The following DRGX variants were observed in gnomAD, a reference collection of about 807,000 sequenced individuals.
DRGX encodes dorsal root ganglia homeobox, also known as dorsal root ganglia homeobox protein.
In DRGX, 21 loss-of-function variants were observed where a neutral mutation model predicts 28.6. The observed-to-expected ratio is 0.73, with a 90% confidence interval of 0.52 to 1.06. The LOEUF (loss-of-function observed/expected upper bound fraction) is 1.06, where lower values mean the gene tolerates loss of function less well. Among genes scored for constraint, DRGX ranks in the 50% least tolerant of loss-of-function variants. The probability of loss-of-function intolerance (pLI) is 0.00; values close to 1 mark genes in which losing one functional copy is unlikely to be tolerated. For synonymous variants in DRGX, 136 were observed against 139.1 expected, an observed-to-expected ratio of 0.98 and a Z score of 0.16; for missense variants, 354 against 343.9, an observed-to-expected ratio of 1.03 and a Z score of -0.23.
At chr10:49,370,532 C>G (rs183366425) in intron 6 of DRGX, among the ~76,000 whole-genome samples, 46 of 152,328 alleles carry the variant, frequency 3.0e-4, no homozygotes, top group Non-Finnish European at 5.3e-4. Flanking sequence ...CAGGTGGACG[C>G]ACAAACACGG....
chr10:49,364,769 G>A lies in DRGX; in HGVS notation c.*1347C>T, dbSNP rs1297212745. ...GAGTATTATTTGGGGGTCATGGAGT[G>A]GGGGAAGGTAAAAAGGGGACAGGAA... On this transcript the variant is annotated 3_prime_UTR_variant, in exon 7 of 7. Transcript: ENST00000374139. The A allele has an allele frequency of 6.6e-6, 1 of 152,098 alleles. No homozygotes were observed. Among genetic ancestry groups the A allele is most frequent in the Non-Finnish European group, 1.5e-5 (1 of 68,064 alleles). The allele number at this position is 152,098 out of a possible 1,614,324, so 9.4% of individuals were successfully genotyped here.
intron 6 of DRGX, among the ~76,000 whole-genome samples, chr10:49,366,940 C>A (rs377502859): frequency 4.1e-4 from 62 of 152,298 alleles, no homozygotes; most frequent in African/African-American, 1.5e-3. Flanking sequence ...GCAAGCACCA[C>A]ACAAAATTCC....
chr10:49,365,176 C>T lies in DRGX; in HGVS notation c.*940G>A, dbSNP rs1211078658. 6.6e-6 allele frequency: 1 copy of T among 152,196 alleles called. No homozygotes were observed. The highest frequency in any genetic ancestry group is 1.5e-5 in the Non-Finnish European group (1 of 68,012). 9.4% of individuals were successfully genotyped at this position (152,196 alleles called of 1,614,324 possible). A position where few individuals can be genotyped will look rare whatever the true frequency, so the allele number is the denominator to read the frequency against. On this transcript the variant is annotated 3_prime_UTR_variant, in exon 7 of 7. Coordinates refer to ENST00000374139, the MANE Select transcript of DRGX (RefSeq NM_001276451.2). ...TAAAAAACCACCACCACTGAAGAGCCCCCTCTACGTGCCAGGCATGTGGGG... is the reference window on the plus strand; with the variant it reads ...TAAAAAACCACCACCACTGAAGAGCTCCCTCTACGTGCCAGGCATGTGGGG...
At position 49,395,508 on chromosome 10, in the gene DRGX, T is replaced by C; in HGVS notation, c.-68A>G. The C allele has an allele frequency of 1.3e-6, 2 of 1,517,778 alleles. No homozygotes were observed. Among genetic ancestry groups the C allele is most frequent in the Non-Finnish European group, 1.8e-6 (2 of 1,119,830 alleles). The allele number at this position is 1,517,778 out of a possible 1,614,324, so 94.0% of individuals were successfully genotyped here. On this transcript the variant is annotated 5_prime_UTR_variant, in exon 2 of 7. Transcript: ENST00000374139. ...TGGCAGCAGAACGGACCCGCGCGCG[T>C]TGCTCCTGCCTGGCTGCAAAGCAAA...
intron 6 of DRGX, among the ~76,000 whole-genome samples, chr10:49,367,392 A>AAAAAG (rs934360499): frequency 5.3e-5 from 8 of 152,058 alleles, no homozygotes; most frequent in Admixed American, 3.9e-4. Flanking sequence ...AAAGAAAAAG[A>AAAAAG]AAAAGAAAAG....
At chr10:49,391,052 C>A (rs779169651) in intron 3 of DRGX, 112 bp downstream of exon 3, 5 of 1,178,248 alleles carry the variant, frequency 4.2e-6, no homozygotes, top group African/African-American at 1.5e-5. Context: ...CAGAAAGATT[C>A]AGTTAGCATA....
chr10:49,381,579 A>G lies in DRGX; in HGVS notation c.526+4899T>C, dbSNP rs1342690049. Among the ~76,000 whole-genome samples, 6 of 152,324 alleles carry G rather than the reference A, an allele frequency of 3.9e-5. No individual in the cohort carries two copies. The East Asian group carries it at 9.7e-4, about 25-fold the overall frequency. Reference sequence around the variant, plus strand: ...CTTCACATCCATGACAACCATGCCCAGAACCAAAAGACCAGGACCCCCAGC... The same window carrying G: ...CTTCACATCCATGACAACCATGCCCGGAACCAAAAGACCAGGACCCCCAGC... On this transcript the variant is annotated intron_variant, in intron 6 of 6. Transcript: ENST00000374139.
At chr10:49,393,340 C>T (rs375411638) in intron 2 of DRGX, among the ~76,000 whole-genome samples, 3 of 152,104 alleles carry the variant, frequency 2.0e-5, no homozygotes, top group Admixed American at 6.5e-5. Flanking sequence ...TTTAAAAATA[C>T]ATAAATGAGA....
chr10:49,384,718 C>T (rs1849812919), intron 6 of DRGX, among the ~76,000 whole-genome samples: 2 of 152,162 alleles, frequency 1.3e-5, no homozygotes, highest in South Asian at 4.1e-4. Flanking sequence ...CTGGGAGCAC[C>T]CCCAGGGTGT....
At chr10:49,390,078 A>G in intron 4 of DRGX, 55 bp downstream of exon 4, 2 of 1,525,718 alleles carry the variant, frequency 1.3e-6, no homozygotes, top group Non-Finnish European at 1.8e-6. Flanking sequence ...TGATGTCAAA[A>G]AAAAGTTTGC....
At position 49,366,400 on chromosome 10, in the gene DRGX, C is replaced by T. The variant is rs774326355; in HGVS notation, c.527-19G>A. 1 of 1,586,410 alleles carries T rather than the reference C, an allele frequency of 6.3e-7. No homozygotes were observed. On this transcript the variant is annotated intron_variant, in intron 6 of 6. Coordinates refer to ENST00000374139, the MANE Select transcript of DRGX (RefSeq NM_001276451.2). ...GGGCCCCCTGGAAAAGGAAAAACAA[C>T]AGGCTCCCATCACTGTCTACTTTCT...
chr10:49,391,237 G>A lies in DRGX; in HGVS notation c.59C>T (p.Ser20Phe), dbSNP rs747491291. Reference sequence around the variant, plus strand: ...AAACCCGTCATCAAAATCCCCCGAAGAGTGATTGCCAAAGGTTGCAGTGCC... The same window carrying A: ...AAACCCGTCATCAAAATCCCCCGAAAAGTGATTGCCAAAGGTTGCAGTGCC... The part of the protein sequence containing the change: ...LEGTATFGNH[S>F]SGDFDDGFLR... The change falls in exon 3 of 7, where the codon TCT (serine) becomes TTT (phenylalanine). Residue 20 changes from serine (S) to phenylalanine (F), a missense_variant. By Grantham distance (155) the Ser-to-Phe change is radical (BLOSUM62 -2). Transcript: ENST00000374139. 19 of 1,611,342 alleles carry A rather than the reference G, an allele frequency of 1.2e-5. No individual in the cohort carries two copies. Among genetic ancestry groups the A allele is most frequent in the Middle Eastern group, 1.6e-4 (1 of 6,082 alleles).
At chr10:49,371,426 G>A (rs61848632) in intron 6 of DRGX, among the ~76,000 whole-genome samples, 11,197 of 152,180 alleles carry the variant, frequency 0.074, 450 homozygotes, top group Middle Eastern at 0.14. Context: ...GCTGAGGTGG[G>A]TGGATCGCTT....
chr10:49,380,215 A>G (rs1198217949), intron 6 of DRGX, among the ~76,000 whole-genome samples: 1 of 152,138 alleles, frequency 6.6e-6, no homozygotes, highest in Non-Finnish European at 1.5e-5. Context: ...TGAAAGCTCT[A>G]CCCTGGCAGC....
intron 6 of DRGX, 95 bp downstream of exon 6, chr10:49,386,383 G>T: frequency 8.8e-7 from 1 of 1,131,738 alleles, no homozygotes; most frequent in South Asian, 1.6e-5. Flanking sequence ...ACAGGCCCAG[G>T]TGCAAGGACG....
chr10:49,383,988 G>A (rs1038941618), intron 6 of DRGX, among the ~76,000 whole-genome samples: 8 of 152,258 alleles, frequency 5.3e-5, no homozygotes, highest in African/African-American at 1.7e-4. Context: ...TGGCAACACA[G>A]CATCCACGTT....
chr10:49,378,161 T>A (rs1849735494), intron 6 of DRGX, among the ~76,000 whole-genome samples: 1 of 152,134 alleles, frequency 6.6e-6, no homozygotes, highest in South Asian at 2.1e-4. Flanking sequence ...AATTCAATAT[T>A]CATTAATATT....
At chr10:49,393,804 G>A (rs943914735) in intron 2 of DRGX, among the ~76,000 whole-genome samples, 1 of 152,196 alleles carries the variant, frequency 6.6e-6, no homozygotes, top group Admixed American at 6.5e-5. Context: ...ACTGAGGTGG[G>A]ATGTGCCCAG....
Position 49,373,261 on chromosome 10 carries a change from G to A in DRGX, c.527-6880C>T, listed in dbSNP as rs112435322. 8.1e-4 allele frequency among the ~76,000 whole-genome samples: 123 copies of A among 151,978 alleles called. 1 individual carries two copies. The highest frequency in any genetic ancestry group is 3.4e-3 in the Middle Eastern group (1 of 292). On this transcript the variant is annotated intron_variant, in intron 6 of 6. Transcript: ENST00000374139. The stretch of plus-strand genomic sequence containing the variant: ...CCCATATAGAACACACTACAACTAC[G>A]ACAAATTATATTAAAGGAGGATATT...
Sources: gnomAD v4.1 joint callset for allele counts (sites outside exome capture counted in the v4.1 genomes callset) on GRCh38, gnomAD v4.1.1 for gene constraint, MANE v1.5 for transcripts, NCBI Gene and HGNC (gene_info 2026-07-23, HGNC 2026-07-21) for gene names.